The following CWC27 variants were observed in gnomAD, a reference collection of about 807,000 sequenced individuals.
CWC27 encodes the protein spliceosome-associated protein CWC27 homolog.
In CWC27, 47 loss-of-function variants were observed where a neutral mutation model predicts 63.6. The ratio of observed to expected loss-of-function variants is 0.74; its 90% CI spans 0.58 to 0.94. The LOEUF (loss-of-function observed/expected upper bound fraction) is 0.94. CWC27 is among the 40% of genes least tolerant of loss of function. CWC27 has a pLI of 0.00. For missense variants in CWC27, 495 were observed against 554.3 expected, an observed-to-expected ratio of 0.89 and a Z score of 1.07; for synonymous variants, 175 against 179.8, an observed-to-expected ratio of 0.97 and a Z score of 0.22.
chr5:64,902,566 G>T (rs6864830), intron 11 of CWC27, among the ~76,000 whole-genome samples: 1 of 151,932 alleles, frequency 6.6e-6, no homozygotes, highest in Non-Finnish European at 1.5e-5. Context: ...TTATATATGG[G>T]TCTATTCTGT....
chr5:64,880,717 A>G (rs1188175142), intron 10 of CWC27, among the ~76,000 whole-genome samples: 1 of 151,878 alleles, frequency 6.6e-6, no homozygotes, highest in Non-Finnish European at 1.5e-5. Flanking sequence ...CAGATTTACT[A>G]GATAAAAAAT....
At chr5:64,910,985 T>C (rs777606254) in intron 11 of CWC27, among the ~76,000 whole-genome samples, 3 of 152,200 alleles carry the variant, frequency 2.0e-5, no homozygotes, top group African/African-American at 4.8e-5. Context: ...CCCAGTGAGA[T>C]GAACCACATA....
intron 11 of CWC27, among the ~76,000 whole-genome samples, chr5:64,935,681 A>C (rs1266834167): frequency 6.6e-6 from 1 of 152,128 alleles, no homozygotes; most frequent in African/African-American, 2.4e-5. Flanking sequence ...TGAATCTATA[A>C]ATTACTTTGG....
At chr5:64,816,100 T>A (rs935728253) in intron 10 of CWC27, among the ~76,000 whole-genome samples, 1 of 152,314 alleles carries the variant, frequency 6.6e-6, no homozygotes, top group African/African-American at 2.4e-5. Flanking sequence ...TATCCTCACA[T>A]ACCTGTTTTC....
Position 65,018,465 on chromosome 5 carries a change from T to C in CWC27, c.*144T>C, listed in dbSNP as rs937317312. Reference sequence around the variant, plus strand: ...CTGGTTTTGAAAAACAATTATCTTGTTTTGCAAATTGTGGAATGATGTAAG... The same window carrying C: ...CTGGTTTTGAAAAACAATTATCTTGCTTTGCAAATTGTGGAATGATGTAAG... On this transcript the variant is annotated 3_prime_UTR_variant, in exon 14 of 14. Coordinates refer to ENST00000381070, the MANE Select transcript of CWC27 (RefSeq NM_005869.4). 5 of 703,654 alleles carry C rather than the reference T, an allele frequency of 7.1e-6. No homozygotes were observed. The highest frequency in any genetic ancestry group is 3.2e-5 in the East Asian group (1 of 31,542). 43.6% of individuals were successfully genotyped at this position (703,654 alleles called of 1,614,324 possible).
At chr5:64,787,965 A>G (rs868294770) in intron 6 of CWC27, among the ~76,000 whole-genome samples, 1 of 152,162 alleles carries the variant, frequency 6.6e-6, no homozygotes, top group Middle Eastern at 3.2e-3. Flanking sequence ...TAGTATAGGC[A>G]TTCAATACCT....
chr5:64,848,839 CA>C (rs1168109514), intron 10 of CWC27, among the ~76,000 whole-genome samples: 2 of 152,180 alleles, frequency 1.3e-5, no homozygotes, highest in East Asian at 3.9e-4. Flanking sequence ...TGTGCCTCAA[CA>C]CAATAAAAAC....
chr5:64,787,057 A>G (rs959744346), intron 6 of CWC27, among the ~76,000 whole-genome samples: 1 of 152,146 alleles, frequency 6.6e-6, no homozygotes, highest in African/African-American at 2.4e-5. Context: ...TTATAAAACC[A>G]TCAGATCTTA....
chr5:64,834,416 C>T (rs1745605199), intron 10 of CWC27, among the ~76,000 whole-genome samples: 1 of 151,566 alleles, frequency 6.6e-6, no homozygotes, highest in Non-Finnish European at 1.5e-5. Flanking sequence ...ATGTAATTTT[C>T]TAGGTCCCTC....
chr5:64,960,211 AT>A (rs34394781), intron 11 of CWC27, among the ~76,000 whole-genome samples: 56,709 of 145,824 alleles, frequency 0.39, 11,043 homozygotes, highest in Non-Finnish European at 0.45. Flanking sequence ...TTTCCTAGGG[AT>A]TTTTTTTTTT....
chr5:64,929,849 C>G (rs1009213354), intron 11 of CWC27, among the ~76,000 whole-genome samples: 6 of 151,182 alleles, frequency 4.0e-5, no homozygotes, highest in Non-Finnish European at 8.8e-5. Flanking sequence ...TCATATGACC[C>G]AGCAGTTACA....
chr5:64,804,080 A>G, intron 9 of CWC27, 149 bp from the exon 10 acceptor site: 1 of 685,954 alleles, frequency 1.5e-6, no homozygotes, highest in South Asian at 3.1e-5. Flanking sequence ...CAGATTCTTC[A>G]AGGGCTTATA....
chr5:64,863,521 A>C (rs1184048640), intron 10 of CWC27, among the ~76,000 whole-genome samples: 1 of 151,198 alleles, frequency 6.6e-6, no homozygotes, highest in South Asian at 2.1e-4. Context: ...TTACAACAGG[A>C]TATCACTCTG....
At chr5:64,994,030 CT>C (rs1749586705) in intron 13 of CWC27, among the ~76,000 whole-genome samples, 1 of 152,024 alleles carries the variant, frequency 6.6e-6, no homozygotes, top group South Asian at 2.1e-4. Flanking sequence ...ATGTCATTTT[CT>C]TTTAAGAAGT....
At chr5:64,943,652 C>T (rs1580741261) in intron 11 of CWC27, among the ~76,000 whole-genome samples, 1 of 152,276 alleles carries the variant, frequency 6.6e-6, no homozygotes, top group East Asian at 1.9e-4. Context: ...ACCTCTGCCC[C>T]ATGAACCTTA....
chr5:64,824,136 A>G (rs573464879), intron 10 of CWC27, among the ~76,000 whole-genome samples: 70 of 152,260 alleles, frequency 4.6e-4, no homozygotes, highest in African/African-American at 1.7e-3. Context: ...TGAAAACCCA[A>G]TGACATTTAT....
At chr5:64,826,192 T>C (rs1745355099) in intron 10 of CWC27, among the ~76,000 whole-genome samples, 1 of 152,200 alleles carries the variant, frequency 6.6e-6, no homozygotes, top group Admixed American at 6.5e-5. Flanking sequence ...AAAATTGTGT[T>C]CTCATTTTCA....
intron 11 of CWC27, among the ~76,000 whole-genome samples, chr5:64,967,236 A>G (rs986844533): frequency 1.3e-5 from 2 of 152,080 alleles, no homozygotes; most frequent in Admixed American, 6.6e-5. Flanking sequence ...ATCTCACACC[A>G]GCACCATGAC....
chr5:65,011,448 G>C (rs1382792871), intron 13 of CWC27, among the ~76,000 whole-genome samples: 1 of 152,218 alleles, frequency 6.6e-6, no homozygotes, highest in Non-Finnish European at 1.5e-5. Flanking sequence ...CTAACTGAGA[G>C]ACAGAAGTGT....
Sources: gnomAD v4.1 joint callset for allele counts (sites outside exome capture counted in the v4.1 genomes callset) on GRCh38, gnomAD v4.1.1 for gene constraint, MANE v1.5 for transcripts, NCBI Gene and HGNC (gene_info 2026-07-23, HGNC 2026-07-21) for gene names.